CPED1: variants seen among roughly 807,000 people sequenced by gnomAD.
CPED1 encodes the protein cadherin-like and PC-esterase domain-containing protein 1.
CPED1 carries 114 observed loss-of-function variants against 128.2 expected under a neutral mutation model. The ratio of observed to expected loss-of-function variants is 0.89; its 90% CI spans 0.76 to 1.04. The LOEUF (loss-of-function observed/expected upper bound fraction) is 1.04. CPED1 is among the 50% of genes least tolerant of loss of function. The pLI, the probability that CPED1 is intolerant of heterozygous loss-of-function variation, is 0.00. For synonymous variants in CPED1, 462 were observed against 426.7 expected, an observed-to-expected ratio of 1.08 and a Z score of -1.02; for missense variants, 1,211 against 1,207.1, an observed-to-expected ratio of 1.00 and a Z score of -0.05.
At chr7:121,107,284 T>C (rs1345270203) in intron 7 of CPED1, among the ~76,000 whole-genome samples, 1 of 152,132 alleles carries the variant, frequency 6.6e-6, no homozygotes, top group Admixed American at 6.6e-5. Context: ...TTTTCATCAC[T>C]GTGGTAATGT....
Position 121,266,316 on chromosome 7 carries a change from A to G in CPED1, c.2400A>G (p.Val800=). 6.2e-7 allele frequency: 1 copy of G among 1,613,262 alleles called. No individual in the cohort carries two copies. The highest frequency in any genetic ancestry group is 8.5e-7 in the Non-Finnish European group (1 of 1,179,416). The change falls in exon 19 of 23, where the codon GTA becomes GTG. Residue 800 remains valine, a synonymous_variant. Transcript: ENST00000310396. ...AAACGTTGCAGGAATGGCAGAAAGT[A>G]CATGGCACTAAATTCTATCACAACG... The part of the protein sequence containing the change: ...LNETLQEWQK[V]HGTKFYHNVN...
intron 5 of CPED1, among the ~76,000 whole-genome samples, chr7:121,080,829 C>T (rs138382203): frequency 3.8e-4 from 58 of 152,172 alleles, no homozygotes; most frequent in African/African-American, 1.3e-3. Context: ...TTCCAGTCTC[C>T]TTCTGGTGGT....
rs116331984 is a variant in CPED1, at chr7:121,221,021, A to G, written c.2056-15693A>G. ...TCTAGGGTATAAGTGCACAACATGC[A>G]GGTTTGATACATAGGTATATGTGCC... On this transcript the variant is annotated intron_variant, in intron 16 of 22. Transcript: ENST00000310396. Among the ~76,000 whole-genome samples the G allele has an allele frequency of 4.7e-3, 714 of 152,166 alleles. 5 individuals carry two copies. Among genetic ancestry groups the G allele is most frequent in the African/African-American group, 0.016 (680 of 41,516 alleles).
At chr7:121,093,305 G>A (rs1448137751) in intron 5 of CPED1, among the ~76,000 whole-genome samples, 1 of 151,566 alleles carries the variant, frequency 6.6e-6, no homozygotes, top group Non-Finnish European at 1.5e-5. Context: ...CTAACAAAAG[G>A]CAGTTTTATG....
At chr7:121,001,597 C>A (rs950228922) in intron 2 of CPED1, among the ~76,000 whole-genome samples, 18 of 152,038 alleles carry the variant, frequency 1.2e-4, no homozygotes, top group Admixed American at 1.2e-3. Flanking sequence ...AAGTAGGTGG[C>A]GTTAGGGTGG....
In CPED1 at chr7:121,170,232, C is replaced by T. The variant is rs561938380; in HGVS notation, c.2055+28091C>T. Among the ~76,000 whole-genome samples the T allele has an allele frequency of 2.6e-5, 4 of 152,274 alleles. No homozygotes were observed. In the South Asian group the frequency reaches 8.3e-4, roughly 32 times the overall value. On this transcript the variant is annotated intron_variant, in intron 16 of 22. Transcript: ENST00000310396. The stretch of plus-strand genomic sequence containing the variant: ...CATCTCTCTTCAGATGCTCTATGCT[C>T]AGTGGCATCAGACACATCATCAGGA...
At position 121,294,806 on chromosome 7, in the gene CPED1, C is replaced by CAAAAAAAAAAAAAAAAAAAAAAAAAAAAA. The variant is rs752742828; in HGVS notation, c.2869-618_2869-617insAAAAAAAAAAAAAAAAAAAAAAAAAAAAA. 9.8e-5 allele frequency among the ~76,000 whole-genome samples: 6 copies of CAAAAAAAAAAAAAAAAAAAAAAAAAAAAA among 61,408 alleles called. 1 individual carries two copies. In the East Asian group the frequency reaches 1.4e-3, roughly 14 times the overall value. The allele number at this position is 61,408 out of a possible 152,430, so 40.3% of individuals were successfully genotyped here. On this transcript the variant is annotated intron_variant, in intron 22 of 22. Coordinates refer to ENST00000310396, the MANE Select transcript of CPED1 (RefSeq NM_024913.5). ...GATGGAGTTACTTTAGCCTTCTAAG[C>CAAAAAAAAAAAAAAAAAAAAAAAAAAAAA]AAAAAAAAAAAAAAAAGTCTAAAAC...
At chr7:121,147,785 A>C (rs1404752355) in intron 16 of CPED1, among the ~76,000 whole-genome samples, 1 of 152,172 alleles carries the variant, frequency 6.6e-6, no homozygotes, top group Non-Finnish European at 1.5e-5. Flanking sequence ...GATAATACTA[A>C]GGAAGGGGAA....
Position 121,295,660 on chromosome 7 carries a change from G to C in CPED1, c.*8G>C. The C allele has an allele frequency of 6.2e-7, 1 of 1,611,492 alleles. No homozygotes were observed. Among genetic ancestry groups the C allele is most frequent in the Non-Finnish European group, 8.5e-7 (1 of 1,178,036 alleles). ...AATAAAAGGACTATGTAGGCTCCCT[G>C]CAGGAGAGCTGAATCTGGAGCTGGA... is the stretch of plus-strand genomic sequence containing the variant. On this transcript the variant is annotated 3_prime_UTR_variant, in exon 23 of 23. Coordinates refer to ENST00000310396, the MANE Select transcript of CPED1 (RefSeq NM_024913.5).
At chr7:121,211,267 T>G (rs1018796928) in intron 16 of CPED1, among the ~76,000 whole-genome samples, 2 of 152,108 alleles carry the variant, frequency 1.3e-5, no homozygotes, top group African/African-American at 4.8e-5. Flanking sequence ...TGTTAAACTA[T>G]TCTGTCATAT....
chr7:121,190,736 G>T (rs913933405), intron 16 of CPED1, among the ~76,000 whole-genome samples: 1 of 152,014 alleles, frequency 6.6e-6, no homozygotes, highest in African/African-American at 2.4e-5. Context: ...CAGTATCAGA[G>T]AAATATATTC....
intron 2 of CPED1, among the ~76,000 whole-genome samples, chr7:121,003,096 A>T (rs1400582711): frequency 6.6e-6 from 1 of 151,724 alleles, no homozygotes; most frequent in African/African-American, 2.4e-5. Flanking sequence ...TCAGTATAGA[A>T]CTCTCTGTGG....
At chr7:121,161,446 C>T (rs966915098) in intron 16 of CPED1, among the ~76,000 whole-genome samples, 1 of 152,178 alleles carries the variant, frequency 6.6e-6, no homozygotes, top group Admixed American at 6.5e-5. Flanking sequence ...GAATCTCTCT[C>T]CCAGGATTTT....
At chr7:121,284,547 C>T (rs1414357131) in intron 22 of CPED1, among the ~76,000 whole-genome samples, 1 of 152,176 alleles carries the variant, frequency 6.6e-6, no homozygotes, top group South Asian at 2.1e-4. Context: ...TAGTTACTTC[C>T]TAGATAAAAT....
chr7:121,070,894 G>C (rs139084785), intron 5 of CPED1, among the ~76,000 whole-genome samples: 1 of 152,204 alleles, frequency 6.6e-6, no homozygotes, highest in African/African-American at 2.4e-5. Flanking sequence ...GCTCACATAA[G>C]TCTGTTTAGG....
chr7:121,088,943 G>A (rs1794513484), intron 5 of CPED1, among the ~76,000 whole-genome samples: 1 of 151,966 alleles, frequency 6.6e-6, no homozygotes, highest in Non-Finnish European at 1.5e-5. Context: ...GCTAATGATG[G>A]GGATAACTAG....
intron 16 of CPED1, among the ~76,000 whole-genome samples, chr7:121,195,421 C>T (rs1182594996): frequency 6.6e-6 from 1 of 152,122 alleles, no homozygotes; most frequent in Non-Finnish European, 1.5e-5. Context: ...TTTACAGATA[C>T]ATCACATAAT....
chr7:121,127,500 T>C (rs572271102), intron 10 of CPED1, among the ~76,000 whole-genome samples: 1 of 151,878 alleles, frequency 6.6e-6, no homozygotes, highest in South Asian at 2.1e-4. Flanking sequence ...TCATAATTTC[T>C]TATTTTTTCT....
chr7:121,199,467 C>A (rs1283124083), intron 16 of CPED1, among the ~76,000 whole-genome samples: 2 of 151,584 alleles, frequency 1.3e-5, no homozygotes, highest in African/African-American at 4.9e-5. Flanking sequence ...ATCACGAGGT[C>A]AAGAGATCTA....
Sources: gnomAD v4.1 joint callset for allele counts (sites outside exome capture counted in the v4.1 genomes callset) on GRCh38, gnomAD v4.1.1 for gene constraint, MANE v1.5 for transcripts, NCBI Gene and HGNC (gene_info 2026-07-23, HGNC 2026-07-21) for gene names.